The following HIVEP1 variants were observed in gnomAD, a reference collection of about 807,000 sequenced individuals.
The protein encoded by HIVEP1 is HIVEP zinc finger 1, also known as zinc finger protein 40.
In HIVEP1, 36 loss-of-function variants were observed where a neutral mutation model predicts 180.0. The ratio of observed to expected loss-of-function variants is 0.20; its 90% confidence interval spans 0.15 to 0.26. HIVEP1 has a LOEUF of 0.26. HIVEP1 is among the 10% of genes least tolerant of loss of function. The pLI is 1.00. For synonymous variants in HIVEP1, 1,239 were observed against 1,239.0 expected, an observed-to-expected ratio of 1.00 and a Z score of 0.00; for missense variants, 3,143 against 3,268.7, an observed-to-expected ratio of 0.96 and a Z score of 0.94.
chr6:12,012,874 C>G (rs984489751), intron 1 of HIVEP1: 1 of 153,174 alleles, frequency 6.5e-6, no homozygotes, highest in African/African-American at 2.4e-5. Context: ...GACCAGGCCT[C>G]GGCATCCCAA....
intron 2 of HIVEP1, among the ~76,000 whole-genome samples, chr6:12,055,145 T>C (rs1172727140): frequency 6.6e-6 from 1 of 152,244 alleles, no homozygotes; most frequent in Admixed American, 6.5e-5. Context: ...GTTTTTAGAA[T>C]GTATACTTGA....
the HIVEP1 span, among the ~76,000 whole-genome samples, chr6:12,208,245 C>A: frequency 6.6e-6 from 1 of 152,140 alleles, no homozygotes; most frequent in Non-Finnish European, 1.5e-5. Context: ...CCTTTTTGAG[C>A]AATTTCTCAG....
At position 12,164,224 on chromosome 6, in the gene HIVEP1, G is replaced by A. The variant is rs376928062; in HGVS notation, c.7920G>A (p.Ser2640=). Residue 2640 remains serine (S), a synonymous_variant, in exon 9 of 9, where the codon TCG becomes TCA. Transcript: ENST00000379388. The part of the protein sequence containing the change: ...LSKMDTEKAA[S]ANHVKPKPEL... The stretch of plus-strand genomic sequence containing the variant: ...AAATGGACACAGAGAAGGCTGCCTC[G>A]GCAAATCACGTGAAGCCCAAGCCTG... 1.5e-4 allele frequency: 237 copies of A among 1,613,964 alleles called. No homozygotes were observed. Among genetic ancestry groups the A allele is most frequent in the African/African-American group, 2.3e-4 (17 of 74,884 alleles).
At chr6:12,114,793 G>A (rs151090868) in intron 3 of HIVEP1, among the ~76,000 whole-genome samples, 25 of 152,258 alleles carry the variant, frequency 1.6e-4, no homozygotes, top group African/African-American at 6.0e-4. Context: ...ACAATTCTGT[G>A]CATGTATATT....
At chr6:12,193,741 C>T in the HIVEP1 span, among the ~76,000 whole-genome samples, 22 of 152,120 alleles carry the variant, frequency 1.4e-4, no homozygotes, top group African/African-American at 4.3e-4. Context: ...CCCCCTACTA[C>T]GGTGCTAAGT....
chr6:12,028,188 G>T (rs909892876), intron 2 of HIVEP1, among the ~76,000 whole-genome samples: 3 of 152,196 alleles, frequency 2.0e-5, no homozygotes, highest in Non-Finnish European at 4.4e-5. Flanking sequence ...GCCCATAGTG[G>T]TCATGAAGTA....
intron 3 of HIVEP1, among the ~76,000 whole-genome samples, chr6:12,112,279 T>C (rs953781524): frequency 1.3e-5 from 2 of 152,142 alleles, no homozygotes; most frequent in Non-Finnish European, 2.9e-5. Flanking sequence ...TTATTCTCTG[T>C]GTGTAATGTT....
At position 12,120,528 on chromosome 6, in the gene HIVEP1, A is replaced by G; in HGVS notation, c.733A>G (p.Asn245Asp). Residue 245 changes from asparagine to aspartate, a missense_variant, in exon 4 of 9, where the codon AAT becomes GAT. Physicochemically the swap from Asn to Asp is conservative, Grantham distance 23 (BLOSUM62 1). Coordinates refer to ENST00000379388, the MANE Select transcript of HIVEP1 (RefSeq NM_002114.4). ...AAAAAACAGTTCAATGGATGCCCCA[A>G]ATCAGACTTCACAGGAATTGGTTGC... is the stretch of plus-strand genomic sequence containing the variant. ...KLKNSSMDAP[N>D]QTSQELVAES... The G allele has an allele frequency of 6.2e-7, 1 of 1,614,216 alleles. No individual in the cohort carries two copies. Among genetic ancestry groups the G allele is most frequent in the Non-Finnish European group, 8.5e-7 (1 of 1,180,036 alleles).
the HIVEP1 span, among the ~76,000 whole-genome samples, chr6:12,176,843 T>C: frequency 6.6e-6 from 1 of 152,214 alleles, no homozygotes; most frequent in Non-Finnish European, 1.5e-5. Context: ...TAGATCCCAT[T>C]TGTCAATTTT....
At chr6:12,147,962 A>G (rs1759471481) in intron 7 of HIVEP1, among the ~76,000 whole-genome samples, 1 of 152,178 alleles carries the variant, frequency 6.6e-6, no homozygotes, top group Non-Finnish European at 1.5e-5. Flanking sequence ...TGAGGCCTGT[A>G]CTTGTCCTAC....
At chr6:12,048,250 T>G (rs1399332601) in intron 2 of HIVEP1, among the ~76,000 whole-genome samples, 1 of 152,246 alleles carries the variant, frequency 6.6e-6, no homozygotes, top group African/African-American at 2.4e-5. Context: ...AAGGCACTTG[T>G]GCGCCGTCCG....
chr6:12,011,646 G>A (rs1335826656), upstream of HIVEP1, among the ~76,000 whole-genome samples: 2 of 148,996 alleles, frequency 1.3e-5, no homozygotes, highest in Admixed American at 6.6e-5. Flanking sequence ...CGGGCGGGGC[G>A]GGGAGGGGCG....
chr6:12,166,493 T>G (rs1760703093), downstream of HIVEP1, among the ~76,000 whole-genome samples: 1 of 152,246 alleles, frequency 6.6e-6, no homozygotes, highest in South Asian at 2.1e-4. Context: ...CAAATACCTT[T>G]ACTATTGGCA....
intron 3 of HIVEP1, among the ~76,000 whole-genome samples, chr6:12,098,944 A>G (rs574269604): frequency 6.6e-6 from 1 of 152,322 alleles, no homozygotes; most frequent in South Asian, 2.1e-4. Flanking sequence ...CCACCAAGCA[A>G]TGGGGTATAA....
intron 3 of HIVEP1, among the ~76,000 whole-genome samples, chr6:12,091,952 A>G (rs1773504477): frequency 6.6e-6 from 1 of 152,214 alleles, no homozygotes; most frequent in South Asian, 2.1e-4. Context: ...GAAGAAATAA[A>G]TAGATCGATT....
Position 12,122,042 on chromosome 6 carries a change from G to A in HIVEP1, c.2247G>A (p.Ser749=), listed in dbSNP as rs773947058. 9 of 1,614,020 alleles carry A rather than the reference G, an allele frequency of 5.6e-6. No homozygotes were observed. The African/African-American group carries it at 6.7e-5, about 12-fold the overall frequency. Residue 749 remains serine, a synonymous_variant, in exon 4 of 9, where the codon TCG becomes TCA. Transcript: ENST00000379388. ...LATKTLEERI[S]KLISDNEALV... ...CAAAAACACTTGAGGAGCGGATATC[G>A]AAGCTTATCTCAGACAATGAAGCTT...
At chr6:12,151,551 C>CTAATCATATA (rs1046673667) in intron 7 of HIVEP1, among the ~76,000 whole-genome samples, 1 of 152,136 alleles carries the variant, frequency 6.6e-6, no homozygotes, top group African/African-American at 2.4e-5. Context: ...TTGATGCATT[C>CTAATCATATA]TAATCATATA....
the HIVEP1 span, among the ~76,000 whole-genome samples, chr6:12,184,022 T>TAGATAGATAGATAGATAGATAGACAGAC: frequency 4.9e-5 from 5 of 101,976 alleles, no homozygotes; most frequent in African/African-American, 1.2e-4. Context: ...GATAGATAGA[T>TAGATAGATAGATAGATAGATAGACAGAC]AGACAGACAG....
the HIVEP1 span, among the ~76,000 whole-genome samples, chr6:12,184,376 G>A: frequency 6.6e-6 from 1 of 152,022 alleles, no homozygotes; most frequent in South Asian, 2.1e-4. Context: ...TTTTTTCTTT[G>A]TCACCTGTTT....
Sources: allele counts gnomAD v4.1 joint callset (sites outside exome capture counted in the v4.1 genomes callset), GRCh38; gene constraint gnomAD v4.1.1; transcripts MANE v1.5; gene names NCBI Gene and HGNC (gene_info 2026-07-23, HGNC 2026-07-21).